UBASH3B: variants seen among roughly 807,000 people sequenced by gnomAD.
UBASH3B encodes the protein ubiquitin-associated and SH3 domain-containing protein B.
In UBASH3B, 37 loss-of-function variants were observed where a neutral mutation model predicts 83.4. The observed-to-expected ratio is 0.44, with a 90% CI of 0.34 to 0.58. The LOEUF is 0.58. UBASH3B is among the 20% of genes least tolerant of loss of function. UBASH3B has a pLI of 0.01. For missense variants in UBASH3B, 657 were observed against 827.2 expected, an observed-to-expected ratio of 0.79 and a Z score of 2.52; for synonymous variants, 304 against 318.3, an observed-to-expected ratio of 0.96 and a Z score of 0.48.
At chr11:122,682,957 A>C (rs1017856605) in intron 1 of UBASH3B, among the ~76,000 whole-genome samples, 4 of 152,216 alleles carry the variant, frequency 2.6e-5, no homozygotes, top group Non-Finnish European at 5.9e-5. Context: ...TTTGAATTAA[A>C]TTTTAGAGTG....
chr11:122,748,927 T>A (rs1861161434), intron 1 of UBASH3B, among the ~76,000 whole-genome samples: 1 of 152,228 alleles, frequency 6.6e-6, no homozygotes, highest in Non-Finnish European at 1.5e-5. Context: ...TAATTTTTAT[T>A]TTTTAAAGAA....
At chr11:122,742,426 T>C (rs1195157171) in intron 1 of UBASH3B, among the ~76,000 whole-genome samples, 1 of 152,168 alleles carries the variant, frequency 6.6e-6, no homozygotes, top group Non-Finnish European at 1.5e-5. Flanking sequence ...ATTTTATGGG[T>C]CCCGGCTGTT....
intron 1 of UBASH3B, among the ~76,000 whole-genome samples, chr11:122,700,613 C>T (rs1417527715): frequency 1.3e-5 from 2 of 151,678 alleles, no homozygotes; most frequent in Non-Finnish European, 2.9e-5. Context: ...TCTCCTGCCT[C>T]AGCCTCCCCA....
chr11:122,716,809 G>A (rs1860533259), intron 1 of UBASH3B, among the ~76,000 whole-genome samples: 1 of 152,058 alleles, frequency 6.6e-6, no homozygotes, highest in African/African-American at 2.4e-5. Flanking sequence ...GGCTAAAGAG[G>A]GGAGCCCCAG....
At position 122,813,777 on chromosome 11, in the gene UBASH3B, CAT is replaced by C. The variant is rs1861492869; in HGVS notation, c.*3893_*3894del. 1 of 152,138 alleles carries C rather than the reference CAT, an allele frequency of 6.6e-6. No individual in the cohort carries two copies. The highest frequency in any genetic ancestry group is 1.5e-5 in the Non-Finnish European group (1 of 68,026). The allele number at this position is 152,138 out of a possible 1,614,324, so 9.4% of individuals were successfully genotyped here. On this transcript the variant is annotated 3_prime_UTR_variant, in exon 14 of 14. Transcript: ENST00000284273. ...ATAGCAGAAGCTTTTCATTTTTAAA[CAT>C]AGAATTAAAATTGGATTTGCTTCTC...
chr11:122,811,056 G>A lies in UBASH3B; in HGVS notation c.*1170G>A, dbSNP rs1861438618. 2 of 152,582 alleles carry A rather than the reference G, an allele frequency of 1.3e-5. No homozygotes were observed. The highest frequency in any genetic ancestry group is 6.5e-5 in the Admixed American group (1 of 15,282). 9.5% of individuals were successfully genotyped at this position (152,582 alleles called of 1,614,324 possible). On this transcript the variant is annotated 3_prime_UTR_variant, in exon 14 of 14. Coordinates refer to ENST00000284273, the MANE Select transcript of UBASH3B (RefSeq NM_032873.5). ...TTCTATGATAATTTAAAATACATAG[G>A]TAGGGCTACTGAGGAAATTTGGAGA...
chr11:122,709,029 T>C (rs1400168088), intron 1 of UBASH3B, among the ~76,000 whole-genome samples: 1 of 152,184 alleles, frequency 6.6e-6, no homozygotes, highest in African/African-American at 2.4e-5. Flanking sequence ...GGCAGATGGC[T>C]TGAGCCCAGG....
At chr11:122,779,358 C>A in intron 3 of UBASH3B, 139 bp from the exon 4 acceptor site, 1 of 852,286 alleles carries the variant, frequency 1.2e-6, no homozygotes, top group Non-Finnish European at 1.9e-6. Flanking sequence ...GTTCCTCTCT[C>A]CCCACAGACA....
rs559404456 is a variant in UBASH3B at position 122,708,320 on chromosome 11, T to C, written c.161+52110T>C. ...TTTTTTTTTTTTTTGAGATGGAGTTTCACTCTTGTCACCCAGGCTGGAGTG... is the reference window on the plus strand; with the variant it reads ...TTTTTTTTTTTTTTGAGATGGAGTTCCACTCTTGTCACCCAGGCTGGAGTG... On this transcript the variant is annotated intron_variant, in intron 1 of 13. Transcript: ENST00000284273. Among the ~76,000 whole-genome samples, 321 of 150,346 alleles carry C rather than the reference T, an allele frequency of 2.1e-3. 1 individual carries two copies. Among genetic ancestry groups the C allele is most frequent in the African/African-American group, 7.7e-3 (314 of 40,770 alleles).
chr11:122,676,838 T>C (rs2135905245), intron 1 of UBASH3B, among the ~76,000 whole-genome samples: 1 of 152,340 alleles, frequency 6.6e-6, no homozygotes, highest in East Asian at 1.9e-4. Context: ...CCTGCTCACC[T>C]TTGCCTCCCG....
intron 1 of UBASH3B, among the ~76,000 whole-genome samples, chr11:122,676,255 A>G (rs1319278315): frequency 6.6e-6 from 1 of 151,702 alleles, no homozygotes; most frequent in Non-Finnish European, 1.5e-5. Context: ...AAATACAACA[A>G]CTGGCTGGGC....
intron 8 of UBASH3B, 102 bp from the exon 9 acceptor site, chr11:122,796,809 T>G: frequency 6.6e-7 from 1 of 1,512,904 alleles, no homozygotes; most frequent in Non-Finnish European, 9.1e-7. Flanking sequence ...TGTGATCTCT[T>G]TGGCCAAGAA....
chr11:122,776,551 G>C (rs1860738154), intron 2 of UBASH3B, among the ~76,000 whole-genome samples: 1 of 152,182 alleles, frequency 6.6e-6, no homozygotes, highest in Admixed American at 6.5e-5. Context: ...ATTCATTTTA[G>C]GGGTATGGAT....
chr11:122,666,157 G>A (rs1421057744), intron 1 of UBASH3B, among the ~76,000 whole-genome samples: 1 of 152,260 alleles, frequency 6.6e-6, no homozygotes, highest in Admixed American at 6.5e-5. Flanking sequence ...TTCAGGTTTT[G>A]TTGGGTGAAC....
intron 1 of UBASH3B, among the ~76,000 whole-genome samples, chr11:122,721,010 C>T (rs1159642257): frequency 3.3e-5 from 5 of 151,954 alleles, no homozygotes; most frequent in African/African-American, 4.8e-5. Flanking sequence ...CTTTGGGAGG[C>T]CGAGGTGGGC....
At chr11:122,802,083 G>A (rs532019472) in intron 11 of UBASH3B, among the ~76,000 whole-genome samples, 6 of 152,254 alleles carry the variant, frequency 3.9e-5, no homozygotes, top group South Asian at 2.1e-4. Flanking sequence ...CTGGGAGGCC[G>A]AGGCAGGTGG....
rs191312526 is a variant in UBASH3B, at chr11:122,810,429, C to A, written c.*543C>A. ...CACATGAAATCCTACCGTCACTAGC[C>A]CCCATACACCAGTGTTGCTGGCTGA... On this transcript the variant is annotated 3_prime_UTR_variant, in exon 14 of 14. Transcript: ENST00000284273. 7.1e-4 allele frequency: 108 copies of A among 152,928 alleles called. No individual in the cohort carries two copies. Among genetic ancestry groups the A allele is most frequent in the Non-Finnish European group, 2.9e-5 (2 of 68,214 alleles). 9.5% of individuals were successfully genotyped at this position (152,928 alleles called of 1,614,324 possible).
intron 6 of UBASH3B, 74 bp downstream of exon 6, chr11:122,789,382 C>A: frequency 2.6e-6 from 4 of 1,518,334 alleles, no homozygotes; most frequent in South Asian, 2.3e-5. Flanking sequence ...ATACACAGGG[C>A]AGCAGTAAAT....
At chr11:122,674,130 T>TA (rs1049701909) in intron 1 of UBASH3B, among the ~76,000 whole-genome samples, 4 of 152,016 alleles carry the variant, frequency 2.6e-5, no homozygotes, top group African/African-American at 9.6e-5. Flanking sequence ...TATATCAAAA[T>TA]AAAAAAAGAA....
Sources: gnomAD v4.1 joint callset for allele counts (sites outside exome capture counted in the v4.1 genomes callset) on GRCh38, gnomAD v4.1.1 for gene constraint, MANE v1.5 for transcripts, NCBI Gene and HGNC (gene_info 2026-07-23, HGNC 2026-07-21) for gene names.